The following CDK5RAP2 variants were observed in gnomAD, a reference collection of about 807,000 sequenced individuals.
CDK5RAP2 encodes CDK5 regulatory subunit associated protein 2, also known as CDK5 regulatory subunit-associated protein 2.
In CDK5RAP2, 147 loss-of-function variants were observed where a neutral mutation model predicts 232.9. The ratio of observed to expected loss-of-function variants is 0.63; its 90% CI spans 0.55 to 0.72. CDK5RAP2 has a LOEUF of 0.72. Ranked by LOEUF, CDK5RAP2 falls within the 30% of genes least tolerant of loss-of-function variation. The pLI, the probability that CDK5RAP2 is intolerant of heterozygous loss-of-function variation, is 0.00. For missense variants in CDK5RAP2, 2,195 were observed against 2,231.5 expected (o/e 0.98, Z 0.33); for synonymous variants, 833 against 833.7 (o/e 1.00, Z 0.01).
At chr9:120,392,306 G>A (rs1219294046) in intron 36 of CDK5RAP2, among the ~76,000 whole-genome samples, 2 of 152,210 alleles carry the variant, frequency 1.3e-5, no homozygotes, top group African/African-American at 4.8e-5. Context: ...TCTCCAGTTA[G>A]AGATGAGGAA....
intron 7 of CDK5RAP2, among the ~76,000 whole-genome samples, chr9:120,535,849 C>T (rs991420033): frequency 6.6e-6 from 1 of 152,198 alleles, no homozygotes; most frequent in Non-Finnish European, 1.5e-5. Flanking sequence ...TTGCCCTGTA[C>T]TCATTTGGGC....
rs2033530884 is a variant in CDK5RAP2 at position 120,407,375 on chromosome 9, G to A, written c.4727-127C>T. On this transcript the variant is annotated intron_variant, in intron 31 of 37. Coordinates refer to ENST00000349780, the MANE Select transcript of CDK5RAP2 (RefSeq NM_018249.6). ...TCCCCCTTCCTAAGAACTAGGTACA[G>A]TTTAAAATAACAACTTGACTTTAGA... 4.1e-6 allele frequency: 3 copies of A among 739,518 alleles called. 1 individual carries two copies. The South Asian group carries it at 4.3e-5, about 11-fold the overall frequency. The allele number at this position is 739,518 out of a possible 1,614,324, so 45.8% of individuals were successfully genotyped here.
chr9:120,497,199 A>G (rs1564299937), intron 12 of CDK5RAP2, among the ~76,000 whole-genome samples: 2 of 132,232 alleles, frequency 1.5e-5, no homozygotes, highest in African/African-American at 3.5e-5. Flanking sequence ...TGTTAAACAG[A>G]TGCTTGAAGG....
At chr9:120,428,650 G>A (rs1180333080) in intron 25 of CDK5RAP2, among the ~76,000 whole-genome samples, 3 of 152,256 alleles carry the variant, frequency 2.0e-5, no homozygotes, top group Non-Finnish European at 2.9e-5. Context: ...AGGACCAGAC[G>A]GATTCACAGC....
chr9:120,447,033 T>C (rs1181999897), intron 22 of CDK5RAP2, among the ~76,000 whole-genome samples: 1 of 152,168 alleles, frequency 6.6e-6, no homozygotes, highest in Non-Finnish European at 1.5e-5. Context: ...TTCATCTGCT[T>C]TGGTCACTCC....
chr9:120,414,828 A>G (rs1474631140), intron 28 of CDK5RAP2, among the ~76,000 whole-genome samples: 1 of 152,206 alleles, frequency 6.6e-6, no homozygotes, highest in East Asian at 1.9e-4. Context: ...GCTTTGTTTT[A>G]TCTTAAAATT....
intron 12 of CDK5RAP2, among the ~76,000 whole-genome samples, chr9:120,516,412 T>C (rs1301277376): frequency 1.3e-5 from 2 of 151,272 alleles, no homozygotes; most frequent in African/African-American, 4.9e-5. Flanking sequence ...ATATACCTAA[T>C]GCTAAATGAC....
intron 1 of CDK5RAP2, among the ~76,000 whole-genome samples, chr9:120,579,222 T>C (rs545404515): frequency 6.6e-6 from 1 of 152,340 alleles, no homozygotes; most frequent in Admixed American, 6.5e-5. Flanking sequence ...ATGACACTAA[T>C]GGCAACACAA....
At chr9:120,545,883 C>A in intron 4 of CDK5RAP2, 93 bp from the exon 5 acceptor site, 1 of 957,010 alleles carries the variant, frequency 1.0e-6, no homozygotes, top group Admixed American at 1.7e-5. Flanking sequence ...CACAGACTGA[C>A]TACAGGATGC....
intron 28 of CDK5RAP2, among the ~76,000 whole-genome samples, chr9:120,413,830 A>AGGAGGAG (rs2034024879): frequency 1.1e-5 from 1 of 93,234 alleles, no homozygotes; most frequent in Non-Finnish European, 2.1e-5. Flanking sequence ...GGGAGGAGGG[A>AGGAGGAG]GGAGGGAGGA....
intron 4 of CDK5RAP2, among the ~76,000 whole-genome samples, chr9:120,549,747 C>T (rs1159249797): frequency 6.6e-6 from 1 of 152,190 alleles, no homozygotes; most frequent in Non-Finnish European, 1.5e-5. Flanking sequence ...ACCATACTCA[C>T]GTATAAACTG....
At chr9:120,553,307 C>G (rs1339785225) in intron 3 of CDK5RAP2, among the ~76,000 whole-genome samples, 2 of 152,264 alleles carry the variant, frequency 1.3e-5, no homozygotes, top group East Asian at 3.9e-4. Context: ...ATCCAGTAAA[C>G]TTTTCTGTGC....
At chr9:120,515,723 C>T (rs973544458) in intron 12 of CDK5RAP2, among the ~76,000 whole-genome samples, 3 of 152,194 alleles carry the variant, frequency 2.0e-5, no homozygotes, top group African/African-American at 7.2e-5. Flanking sequence ...TGAACAGACA[C>T]TTCTCAAAAG....
At chr9:120,417,865 A>G (rs1398415209) in intron 27 of CDK5RAP2, among the ~76,000 whole-genome samples, 2 of 152,280 alleles carry the variant, frequency 1.3e-5, no homozygotes, top group East Asian at 1.9e-4. Flanking sequence ...GCCCCCAAAT[A>G]AGGGAAAAGC....
chr9:120,518,673 G>A lies in CDK5RAP2; in HGVS notation c.1093-28C>T, dbSNP rs201728076. On this transcript the variant is annotated intron_variant, in intron 11 of 37. Transcript: ENST00000349780. ...AGAAGAGAAGGCAGAGAAGCAAGAT[G>A]AGCTAATTTTCATACCTCATGAAAC... The A allele has an allele frequency of 2.0e-4, 307 of 1,571,652 alleles. 1 individual carries two copies. The highest frequency in any genetic ancestry group is 2.5e-4 in the Non-Finnish European group (282 of 1,142,064).
chr9:120,461,053 A>G (rs1251176274), intron 18 of CDK5RAP2, among the ~76,000 whole-genome samples: 1 of 152,268 alleles, frequency 6.6e-6, no homozygotes, highest in Non-Finnish European at 1.5e-5. Flanking sequence ...TTTGGAAAAT[A>G]GCTATTGATG....
At chr9:120,560,770 C>A (rs527564144) in intron 3 of CDK5RAP2, among the ~76,000 whole-genome samples, 1 of 152,228 alleles carries the variant, frequency 6.6e-6, no homozygotes, top group East Asian at 1.9e-4. Context: ...GCACATGCCA[C>A]CATGCCCAGC....
At chr9:120,418,370 G>A (rs1171651273) in intron 27 of CDK5RAP2, among the ~76,000 whole-genome samples, 1 of 152,244 alleles carries the variant, frequency 6.6e-6, no homozygotes, top group Non-Finnish European at 1.5e-5. Context: ...AGAGGGAGCA[G>A]AGGGAACTGC....
rs1483658164 is a variant in CDK5RAP2 at position 120,408,581 on chromosome 9, G to C, written c.4605-113C>G. 4.4e-6 allele frequency: 5 copies of C among 1,141,210 alleles called. No homozygotes were observed. In the Admixed American group the frequency reaches 9.3e-5, roughly 21 times the overall value. The allele number at this position is 1,141,210 out of a possible 1,614,324, so 70.7% of individuals were successfully genotyped here. ...CCTCAGTCACAAGAGTGTGGACCAAGAAGTGACAAGCATGGTTAAGAATTC... is the reference window on the plus strand; with the variant it reads ...CCTCAGTCACAAGAGTGTGGACCAACAAGTGACAAGCATGGTTAAGAATTC... On this transcript the variant is annotated intron_variant, in intron 30 of 37. Transcript: ENST00000349780.
Sources: gnomAD v4.1 joint callset for allele counts (sites outside exome capture counted in the v4.1 genomes callset) on GRCh38, gnomAD v4.1.1 for gene constraint, MANE v1.5 for transcripts, NCBI Gene and HGNC (gene_info 2026-07-23, HGNC 2026-07-21) for gene names.